Variants in CACNA1E observed in about 807,000 individuals in gnomAD.
CACNA1E encodes voltage-dependent R-type calcium channel subunit alpha-1E.
CACNA1E carries 40 observed loss-of-function variants against 259.2 expected under a neutral mutation model. The ratio of observed to expected loss-of-function variants is 0.15; its 90% CI spans 0.12 to 0.20. The LOEUF (loss-of-function observed/expected upper bound fraction) is 0.20. Ranked by LOEUF, CACNA1E falls within the 10% of genes least tolerant of loss-of-function variation. CACNA1E has a pLI of 1.00. For missense variants in CACNA1E, 1,874 were observed against 3,040.1 expected, an observed-to-expected ratio of 0.62 and a Z score of 9.02; for synonymous variants, 1,104 against 1,138.5, an observed-to-expected ratio of 0.97 and a Z score of 0.61.
intron 6 of CACNA1E, among the ~76,000 whole-genome samples, chr1:181,584,693 G>A (rs1322551477): frequency 1.3e-5 from 2 of 152,142 alleles, no homozygotes; most frequent in African/African-American, 4.8e-5. Flanking sequence ...CTCTCATTTT[G>A]TGGTATCTAC....
chr1:181,431,887 A>G (rs1659741303), intron 2 of CACNA1E, among the ~76,000 whole-genome samples: 1 of 152,186 alleles, frequency 6.6e-6, no homozygotes. Context: ...CCTGAAGAAC[A>G]AATTGCAGTT....
intron 1 of CACNA1E, among the ~76,000 whole-genome samples, chr1:181,499,802 G>A (rs1665089713): frequency 6.6e-6 from 1 of 152,166 alleles, no homozygotes; most frequent in Admixed American, 6.5e-5. Context: ...TCCAGCCATG[G>A]CTGAGATCCA....
At chr1:181,657,326 C>T (rs1572510143) in intron 7 of CACNA1E, among the ~76,000 whole-genome samples, 1 of 151,732 alleles carries the variant, frequency 6.6e-6, no homozygotes, top group Non-Finnish European at 1.5e-5. Context: ...ATCTTAGGTT[C>T]CACAGTAAGG....
chr1:181,477,894 T>A (rs529163463), intron 2 of CACNA1E, among the ~76,000 whole-genome samples: 1 of 152,368 alleles, frequency 6.6e-6, no homozygotes, highest in South Asian at 2.1e-4. Flanking sequence ...AGCAGAATGG[T>A]ATTATTCTTA....
At chr1:181,791,200 G>A (rs704325) in intron 44 of CACNA1E, among the ~76,000 whole-genome samples, 54,354 of 152,106 alleles carry the variant, frequency 0.36, 11,198 homozygotes, top group Non-Finnish European at 0.46. Context: ...GGCTGGGTGC[G>A]GTGGCTCACG....
At position 181,681,042 on chromosome 1, in the gene CACNA1E, C is replaced by T. The variant is rs141526581; in HGVS notation, c.1055+29601C>T. 3.9e-3 allele frequency among the ~76,000 whole-genome samples: 599 copies of T among 152,300 alleles called. 1 individual carries two copies. The highest frequency in any genetic ancestry group is 6.3e-3 in the Non-Finnish European group (426 of 68,018). On this transcript the variant is annotated intron_variant, in intron 7 of 47. Transcript: ENST00000367573. ...GCACTGTCAGTTAAATGCTTTAGGG[C>T]GGTGTGTGACAGTTCTACTGACGTT...
At chr1:181,539,256 A>G (rs1283058485) in intron 3 of CACNA1E, among the ~76,000 whole-genome samples, 1 of 152,198 alleles carries the variant, frequency 6.6e-6, no homozygotes, top group Non-Finnish European at 1.5e-5. Context: ...CTCCTCCACT[A>G]CATAGCTTCT....
At chr1:181,641,709 T>TG (rs1224879930) in intron 6 of CACNA1E, among the ~76,000 whole-genome samples, 18 of 56,124 alleles carry the variant, frequency 3.2e-4, no homozygotes, top group African/African-American at 7.2e-4. Flanking sequence ...TTTTGTTTTT[T>TG]TTTTTTTTTT....
chr1:181,466,110 T>G (rs1382291287), intron 2 of CACNA1E, among the ~76,000 whole-genome samples: 1 of 152,220 alleles, frequency 6.6e-6, no homozygotes, highest in African/African-American at 2.4e-5. Context: ...CTATTTTTGC[T>G]GTAGAGTTGA....
At position 181,776,356 on chromosome 1, in the gene CACNA1E, T is replaced by C. The variant is rs755771917; in HGVS notation, c.5267+128T>C. 1.2e-5 allele frequency: 11 copies of C among 944,714 alleles called. No homozygotes were observed. Among genetic ancestry groups the C allele is most frequent in the South Asian group, 8.6e-5 (6 of 69,910 alleles). The allele number at this position is 944,714 out of a possible 1,614,324, so 58.5% of individuals were successfully genotyped here. A position where few individuals can be genotyped will look rare whatever the true frequency, so the allele number is the denominator to read the frequency against. ...CAGAAGGAAAGGAGATTCCTCTTGA[T>C]TGTGGCCCATAGAAGAGGCTCTGGT... is the stretch of plus-strand genomic sequence containing the variant. On this transcript the variant is annotated intron_variant, in intron 38 of 47. Transcript: ENST00000367573. This position sits in a 1 kb window ranked among gnomAD's most constrained non-coding sequence, Gnocchi z 4.4.
intron 6 of CACNA1E, among the ~76,000 whole-genome samples, chr1:181,641,696 A>ATTTTTTTTTTTTTTT (rs1369217611): frequency 1.9e-5 from 2 of 104,084 alleles, no homozygotes; most frequent in African/African-American, 8.1e-5. Flanking sequence ...GGCAACACTA[A>ATTTTTTTTTTTTTTT]TTTTTTGTTT....
In CACNA1E at chr1:181,557,578, C is replaced by T. The variant is rs117281062; in HGVS notation, c.513-20188C>T. Among the ~76,000 whole-genome samples the T allele has an allele frequency of 9.6e-4, 146 of 152,292 alleles. 1 individual carries two copies. The East Asian group carries it at 0.019, about 20-fold the overall frequency. On this transcript the variant is annotated intron_variant, in intron 3 of 47. Coordinates refer to ENST00000367573, the MANE Select transcript of CACNA1E (RefSeq NM_001205293.3). Reference sequence around the variant, plus strand: ...TCCTTTTCACCCCAGTGATTGCCTCCGAGTTCAGAACTCTGTGCCCTCGCA... The same window carrying T: ...TCCTTTTCACCCCAGTGATTGCCTCTGAGTTCAGAACTCTGTGCCCTCGCA...
chr1:181,329,113 A>C (rs2102589410), intron 1 of CACNA1E, among the ~76,000 whole-genome samples: 1 of 152,124 alleles, frequency 6.6e-6, no homozygotes, highest in Admixed American at 6.5e-5. Context: ...ATCCACCCGC[A>C]AGTCCAGGAG....
chr1:181,371,958 A>T (rs1654740801), intron 1 of CACNA1E, among the ~76,000 whole-genome samples: 2 of 152,192 alleles, frequency 1.3e-5, no homozygotes, highest in African/African-American at 4.8e-5. Context: ...CTGTTTTTGT[A>T]CCAGTACCAT....
intron 8 of CACNA1E, among the ~76,000 whole-genome samples, chr1:181,712,250 T>C (rs1653445857): frequency 6.6e-6 from 1 of 152,228 alleles, no homozygotes; most frequent in African/African-American, 2.4e-5. Context: ...TTCTTTATTA[T>C]TTTAAAGGTT....
At chr1:181,524,167 G>C (rs1461561178) in intron 3 of CACNA1E, among the ~76,000 whole-genome samples, 1 of 152,220 alleles carries the variant, frequency 6.6e-6, no homozygotes, top group Non-Finnish European at 1.5e-5. Flanking sequence ...AAGTGAGAGG[G>C]CTTATGCTCA....
chr1:181,618,985 A>T (rs374136901), intron 6 of CACNA1E, among the ~76,000 whole-genome samples: 31 of 152,348 alleles, frequency 2.0e-4, no homozygotes, highest in African/African-American at 7.5e-4. Flanking sequence ...TCAGTTTATT[A>T]GATGAGGGTT....
chr1:181,754,895 C>T (rs761957155), intron 27 of CACNA1E, among the ~76,000 whole-genome samples: 1 of 152,170 alleles, frequency 6.6e-6, no homozygotes, highest in African/African-American at 2.4e-5. Context: ...ATATTCCTTC[C>T]AGCTATACAC....
chr1:181,685,748 T>G (rs1650466796), intron 7 of CACNA1E, among the ~76,000 whole-genome samples: 1 of 152,226 alleles, frequency 6.6e-6, no homozygotes. Flanking sequence ...AAACTTTGTC[T>G]GGAAGACCTT....
Sources: allele counts gnomAD v4.1 joint callset (sites outside exome capture counted in the v4.1 genomes callset), GRCh38; gene constraint gnomAD v4.1.1; non-coding constraint Gnocchi (gnomAD v3.1); transcripts MANE v1.5; gene names NCBI Gene and HGNC (gene_info 2026-07-23, HGNC 2026-07-21).